Variants in UGT1A9 observed in about 807,000 individuals in gnomAD.
UGT1A9 encodes the protein UDP glucuronosyltransferase family 1 member A9, also known as UDP-glucuronosyltransferase 1A9.
Under a neutral mutation model 45.0 loss-of-function variants are expected in UGT1A9, and 35 were observed. The ratio of observed to expected loss-of-function variants is 0.78; its 90% CI spans 0.59 to 1.03. The LOEUF (loss-of-function observed/expected upper bound fraction) is 1.03, where lower values mean the gene tolerates loss of function less well. UGT1A9 is among the 50% of genes least tolerant of loss of function. The pLI, the probability that UGT1A9 is intolerant of heterozygous loss-of-function variation, is 0.00. For missense variants in UGT1A9, 687 were observed against 666.6 expected, an observed-to-expected ratio of 1.03 and a Z score of -0.34; for synonymous variants, 278 against 250.6, an observed-to-expected ratio of 1.11 and a Z score of -1.03.
At chr2:233,690,519 G>T in intron 1 of UGT1A9, 1 of 1,289,602 alleles carries the variant, frequency 7.8e-7, no homozygotes, top group Non-Finnish European at 1.0e-6. Context: ...TTTTATCTTA[G>T]GATCTACTTC....
chr2:233,767,212 G>A (rs377453564), intron 2 of UGT1A9, 47 bp downstream of exon 2: 197 of 1,612,180 alleles, frequency 1.2e-4, no homozygotes, highest in Admixed American at 3.0e-4. Context: ...TCACAGGAGC[G>A]CTAATCCCAG....
chr2:233,761,076 T>A, intron 1 of UGT1A9: 4 of 1,614,164 alleles, frequency 2.5e-6, no homozygotes, highest in Non-Finnish European at 3.4e-6. Flanking sequence ...TTGTGAAGGA[T>A]TACCCTAGGC....
In UGT1A9 at chr2:233,732,508, T is replaced by C. The variant is rs534063439; in HGVS notation, c.856-34526T>C. The stretch of plus-strand genomic sequence containing the variant: ...TGTATAAGGCGTAAGGAAGGGATCC[T>C]GTTCCAGCTTTCTACATATGGCCAG... On this transcript the variant is annotated intron_variant, in intron 1 of 4. Coordinates refer to ENST00000354728, the MANE Select transcript of UGT1A9 (RefSeq NM_021027.3). Among the ~76,000 whole-genome samples the C allele has an allele frequency of 1.1e-4, 16 of 152,348 alleles. 1 individual carries two copies. The South Asian group carries it at 3.3e-3, about 32-fold the overall frequency.
At chr2:233,718,838 G>A (rs529035115) in intron 1 of UGT1A9, 2 of 1,613,656 alleles carry the variant, frequency 1.2e-6, no homozygotes, top group East Asian at 2.2e-5. Flanking sequence ...GAGGACTCCA[G>A]GTTCCCCTGC....
At chr2:233,757,839 A>T (rs1696732636) in intron 1 of UGT1A9, among the ~76,000 whole-genome samples, 1 of 151,872 alleles carries the variant, frequency 6.6e-6, no homozygotes, top group Non-Finnish European at 1.5e-5. Flanking sequence ...GTGGCCTACT[A>T]ACTTATGTCT....
chr2:233,750,218 A>C (rs1694391813), intron 1 of UGT1A9, among the ~76,000 whole-genome samples: 1 of 151,876 alleles, frequency 6.6e-6, no homozygotes, highest in South Asian at 2.1e-4. Context: ...TCTCAGATGG[A>C]GATGAGGAAC....
chr2:233,733,733 C>T (rs1439271515), intron 1 of UGT1A9, among the ~76,000 whole-genome samples: 1 of 152,152 alleles, frequency 6.6e-6, no homozygotes, highest in Non-Finnish European at 1.5e-5. Flanking sequence ...ATTTTTGCAT[C>T]GATGTTCATC....
At chr2:233,689,967 A>T in intron 1 of UGT1A9, 1 of 456,308 alleles carries the variant, frequency 2.2e-6, no homozygotes, top group Non-Finnish European at 4.4e-6. Flanking sequence ...TGCTTGGAGG[A>T]ACCCACAGGC....
At chr2:233,713,559 C>A (rs2076330071) in intron 1 of UGT1A9, 1 of 1,613,946 alleles carries the variant, frequency 6.2e-7, no homozygotes, top group Non-Finnish European at 8.5e-7. Context: ...GTGTCCAAAC[C>A]CTTCCTCCTA....
At chr2:233,677,303 C>T (rs961427723) in intron 1 of UGT1A9, among the ~76,000 whole-genome samples, 27 of 152,184 alleles carry the variant, frequency 1.8e-4, no homozygotes, top group African/African-American at 5.1e-4. Flanking sequence ...TATTTTTAAT[C>T]CAGTTTTCAA....
At chr2:233,760,261 C>T (rs2125981397) in intron 1 of UGT1A9, 4 of 1,611,118 alleles carry the variant, frequency 2.5e-6, no homozygotes, top group South Asian at 1.1e-5. Flanking sequence ...TAGGAGAGGG[C>T]GAACCTCTGG....
intron 1 of UGT1A9, among the ~76,000 whole-genome samples, chr2:233,700,484 T>C (rs1254737462): frequency 6.6e-6 from 1 of 152,090 alleles, no homozygotes; most frequent in Non-Finnish European, 1.5e-5. Context: ...TCAACATGAG[T>C]ACATAAAAGC....
At chr2:233,688,516 G>A (rs28898573) in intron 1 of UGT1A9, among the ~76,000 whole-genome samples, 4,464 of 152,024 alleles carry the variant, frequency 0.029, 207 homozygotes, top group African/African-American at 0.1. Context: ...AGTGAAATGC[G>A]CCTAGAGTGG....
chr2:233,680,466 C>A (rs1451550881), intron 1 of UGT1A9, among the ~76,000 whole-genome samples: 1 of 152,070 alleles, frequency 6.6e-6, no homozygotes, highest in East Asian at 1.9e-4. Flanking sequence ...TGTCTAGTAC[C>A]AGTTAGGGTG....
At chr2:233,729,533 C>T (rs746765589) in intron 1 of UGT1A9, 8 of 1,614,138 alleles carry the variant, frequency 5.0e-6, no homozygotes, top group South Asian at 3.3e-5. Context: ...CATAATGAGG[C>T]CCTGATCAGG....
chr2:233,674,084 A>G (rs976104126), intron 1 of UGT1A9, among the ~76,000 whole-genome samples: 1 of 152,154 alleles, frequency 6.6e-6, no homozygotes, highest in African/African-American at 2.4e-5. Flanking sequence ...TAATCTCAGT[A>G]TATTATTTTG....
At chr2:233,690,423 C>T in intron 1 of UGT1A9, 1 of 1,228,814 alleles carries the variant, frequency 8.1e-7, no homozygotes, top group South Asian at 1.3e-5. Context: ...TACCTTCATG[C>T]ACATCTTTGG....
intron 4 of UGT1A9, chr2:233,770,954 G>C (rs1038327841): frequency 2.6e-5 from 4 of 152,166 alleles, no homozygotes; most frequent in African/African-American, 9.7e-5. Flanking sequence ...ACCTCAGGGA[G>C]CTTTTACTCA....
chr2:233,715,048 CT>C lies in UGT1A9; in HGVS notation c.855+42268del, dbSNP rs900393425. On this transcript the variant is annotated intron_variant, in intron 1 of 4. Transcript: ENST00000354728. The stretch of plus-strand genomic sequence containing the variant: ...CATGGCACCACATCCAGCTAATTTT[CT>C]TTTTTTTTGTATTTTTTATGGAGAT... 1.6e-3 allele frequency among the ~76,000 whole-genome samples: 238 copies of C among 151,024 alleles called. 2 individuals carry two copies. The highest frequency in any genetic ancestry group is 5.4e-3 in the African/African-American group (222 of 41,172).
Sources: allele counts gnomAD v4.1 joint callset (sites outside exome capture counted in the v4.1 genomes callset), GRCh38; gene constraint gnomAD v4.1.1; transcripts MANE v1.5; gene names NCBI Gene and HGNC (gene_info 2026-07-23, HGNC 2026-07-21).